ADAD1: variants seen among roughly 807,000 people sequenced by gnomAD.
ADAD1 encodes adenosine deaminase domain containing 1.
In ADAD1, 46 loss-of-function variants were observed where a neutral mutation model predicts 66.8. The ratio of observed to expected loss-of-function variants is 0.69; its 90% CI spans 0.54 to 0.88. The LOEUF is 0.88. ADAD1 is among the 40% of genes least tolerant of loss of function. The probability of loss-of-function intolerance (pLI) is 0.00; values close to 1 mark genes in which losing one functional copy is unlikely to be tolerated. For synonymous variants in ADAD1, 248 were observed against 229.4 expected (o/e 1.08, Z -0.73); for missense variants, 617 against 681.8 (o/e 0.91, Z 1.06).
Position 122,380,042 on chromosome 4 carries a change from A to T in ADAD1, c.-8-20A>T. ...ATAGCGTTTTGTCTTGTTTTCTGCC[A>T]ATTTTATCGTGACCTCTAGGTGAGA... On this transcript the variant is annotated intron_variant, in intron 2 of 12. Transcript: ENST00000296513. 6.3e-7 allele frequency: 1 copy of T among 1,585,676 alleles called. No homozygotes were observed. Among genetic ancestry groups the T allele is most frequent in the Non-Finnish European group, 8.5e-7 (1 of 1,170,498 alleles).
rs77293102 is a variant in ADAD1, at chr4:122,406,284, A to G, written c.725-1624A>G. ...ATCCTAACAGGAGTGAGGATATCTC[A>G]TTGTGATTTTGACTTGCATTTCTCT... On this transcript the variant is annotated intron_variant, in intron 7 of 12. Transcript: ENST00000296513. Among the ~76,000 whole-genome samples, 921 of 152,256 alleles carry G rather than the reference A, an allele frequency of 6.0e-3. 13 individuals are homozygous for G. The highest frequency in any genetic ancestry group is 0.02 in the African/African-American group (839 of 41,534).
At chr4:122,415,047 G>T (rs1796664955) in intron 10 of ADAD1, among the ~76,000 whole-genome samples, 1 of 152,126 alleles carries the variant, frequency 6.6e-6, no homozygotes, top group South Asian at 2.1e-4. Flanking sequence ...ATACAATGCG[G>T]TCAACAAATC....
intron 12 of ADAD1, among the ~76,000 whole-genome samples, chr4:122,429,312 G>A (rs1405113637): frequency 6.6e-6 from 1 of 151,898 alleles, no homozygotes; most frequent in African/African-American, 2.4e-5. Flanking sequence ...GTGCATGCCT[G>A]TAGTCCTAGC....
intron 4 of ADAD1, among the ~76,000 whole-genome samples, chr4:122,382,381 C>T (rs1313447877): frequency 6.6e-6 from 1 of 152,132 alleles, no homozygotes; most frequent in Non-Finnish European, 1.5e-5. Context: ...GTTTGAGAAC[C>T]TGAGTTATAA....
chr4:122,422,336 G>A (rs1016838550), intron 12 of ADAD1, among the ~76,000 whole-genome samples: 1 of 152,088 alleles, frequency 6.6e-6, no homozygotes, highest in African/African-American at 2.4e-5. Context: ...TGTTGGCCGG[G>A]CTGGTCTTGA....
chr4:122,423,597 A>G (rs1023986167), intron 12 of ADAD1, among the ~76,000 whole-genome samples: 2 of 152,172 alleles, frequency 1.3e-5, no homozygotes, highest in African/African-American at 2.4e-5. Context: ...AAAATAGCCA[A>G]AAAAATTTGA....
At chr4:122,393,219 A>G (rs746955514) in intron 5 of ADAD1, among the ~76,000 whole-genome samples, 9 of 152,050 alleles carry the variant, frequency 5.9e-5, no homozygotes, top group Non-Finnish European at 1.2e-4. Flanking sequence ...ATAAAATGAT[A>G]TATTTTACTC....
chr4:122,390,436 A>G lies in ADAD1; in HGVS notation c.530-3153A>G, dbSNP rs546340034. On this transcript the variant is annotated intron_variant, in intron 5 of 12. Transcript: ENST00000296513. ...CTAGGTTGTGGAAGTTCTCCTGGAT[A>G]ACATCCTGAAGTGTGTTTTCCAGCT... 2.0e-5 allele frequency among the ~76,000 whole-genome samples: 3 copies of G among 152,296 alleles called. No homozygotes were observed. The South Asian group carries it at 6.2e-4, about 32-fold the overall frequency.
chr4:122,388,761 T>C (rs1395792461), intron 5 of ADAD1, among the ~76,000 whole-genome samples: 6 of 152,166 alleles, frequency 3.9e-5, no homozygotes, highest in African/African-American at 1.4e-4. Flanking sequence ...TTTTCTCTTC[T>C]TCTTTATTAG....
intron 7 of ADAD1, among the ~76,000 whole-genome samples, chr4:122,403,001 A>T (rs1796047073): frequency 1.3e-5 from 2 of 152,084 alleles, no homozygotes; most frequent in Non-Finnish European, 2.9e-5. Flanking sequence ...TCAGAGATTT[A>T]TTCTTGGTTT....
At chr4:122,389,997 G>A (rs1392672664) in intron 5 of ADAD1, among the ~76,000 whole-genome samples, 3 of 152,136 alleles carry the variant, frequency 2.0e-5, no homozygotes, top group African/African-American at 4.8e-5. Flanking sequence ...GGCTCTTTCC[G>A]ATTTTTCATT....
intron 6 of ADAD1, 105 bp from the exon 7 acceptor site, chr4:122,396,147 C>A: frequency 1.0e-6 from 1 of 991,354 alleles, no homozygotes; most frequent in Non-Finnish European, 1.3e-6. Context: ...TTACAGATGT[C>A]TATATATTAT....
chr4:122,405,163 C>T (rs1796150377), intron 7 of ADAD1, among the ~76,000 whole-genome samples: 1 of 152,172 alleles, frequency 6.6e-6, no homozygotes, highest in Admixed American at 6.5e-5. Context: ...CATGGCATGA[C>T]ATCCGTATCC....
chr4:122,411,737 A>T (rs1427158165), intron 9 of ADAD1, among the ~76,000 whole-genome samples: 2 of 152,266 alleles, frequency 1.3e-5, no homozygotes, highest in South Asian at 4.2e-4. Context: ...TATAAAGCAA[A>T]TATTCCAGTG....
At chr4:122,385,207 G>A (rs1389578685) in intron 5 of ADAD1, among the ~76,000 whole-genome samples, 2 of 150,824 alleles carry the variant, frequency 1.3e-5, no homozygotes, top group African/African-American at 5.0e-5. Context: ...GCTCATCACT[G>A]TTTTAAAATT....
chr4:122,399,574 C>A (rs1312584780), intron 7 of ADAD1, among the ~76,000 whole-genome samples: 1 of 151,928 alleles, frequency 6.6e-6, no homozygotes, highest in Non-Finnish European at 1.5e-5. Context: ...TTGCTTTTGG[C>A]AGTATGGTGA....
intron 11 of ADAD1, among the ~76,000 whole-genome samples, 167 bp downstream of exon 11, chr4:122,415,783 A>T (rs1451037100): frequency 6.6e-6 from 1 of 152,150 alleles, no homozygotes; most frequent in Non-Finnish European, 1.5e-5. Context: ...AATTTTAAAA[A>T]TTTTTTAATT....
intron 7 of ADAD1, among the ~76,000 whole-genome samples, chr4:122,407,318 C>T: frequency 6.6e-6 from 1 of 152,050 alleles, no homozygotes; most frequent in Admixed American, 6.6e-5. Flanking sequence ...AAAAAGACTG[C>T]CAATTTGAAT....
Position 122,380,446 on chromosome 4 carries a change from C to T in ADAD1, c.172+205C>T, listed in dbSNP as rs182151780. ...GTGCCGCTCGTTTAACCATCTGTTACCACCTTGACTGTTCAAACCCCCCCC... is the reference window on the plus strand; with the variant it reads ...GTGCCGCTCGTTTAACCATCTGTTATCACCTTGACTGTTCAAACCCCCCCC... On this transcript the variant is annotated intron_variant, in intron 3 of 12. Transcript: ENST00000296513. 1.8e-4 allele frequency: 107 copies of T among 599,174 alleles called. No individual in the cohort carries two copies. In the Admixed American group the frequency reaches 2.5e-3, roughly 14 times the overall value. 37.1% of individuals were successfully genotyped at this position (599,174 alleles called of 1,614,324 possible).
Sources: gnomAD v4.1 joint callset for allele counts (sites outside exome capture counted in the v4.1 genomes callset) on GRCh38, gnomAD v4.1.1 for gene constraint, MANE v1.5 for transcripts, NCBI Gene and HGNC (gene_info 2026-07-23, HGNC 2026-07-21) for gene names.